The following DERL2 variants were observed in gnomAD, a reference collection of about 807,000 sequenced individuals.
DERL2 encodes the protein derlin-2.
In DERL2, 13 loss-of-function variants were observed where a neutral mutation model predicts 32.0. That is an observed-to-expected ratio of 0.41 (90% confidence interval 0.26 to 0.65). The LOEUF (loss-of-function observed/expected upper bound fraction) is 0.65. Among genes scored for constraint, DERL2 ranks in the 30% least tolerant of loss-of-function variants. The pLI is 0.35. For synonymous variants in DERL2, 111 were observed against 104.7 expected (o/e 1.06, Z -0.37); for missense variants, 208 against 296.3 (o/e 0.70, Z 2.19).
At chr17:5,486,248 C>G (rs1012639971), upstream of DERL2, 1 of 1,114,726 alleles carries the variant, frequency 9.0e-7, no homozygotes, top group East Asian at 3.0e-5. Context: ...GCCCAAAGGC[C>G]CCCCGCCCAC....
In DERL2 at chr17:5,472,762, C is replaced by G. The variant is rs1448654051; in HGVS notation, c.*1922G>C. 4.0e-5 allele frequency: 6 copies of G among 151,260 alleles called. No homozygotes were observed. Among genetic ancestry groups the G allele is most frequent in the Non-Finnish European group, 8.8e-5 (6 of 67,866 alleles). The allele number at this position is 151,260 out of a possible 1,614,324, so 9.4% of individuals were successfully genotyped here. On this transcript the variant is annotated 3_prime_UTR_variant, in exon 7 of 7. Coordinates refer to ENST00000158771, the MANE Select transcript of DERL2 (RefSeq NM_016041.5). ...TAAAACTAGAGAAACTCATTTCTAG[C>G]CCAAAAACAATTTAAAAAAAAAAAA...
At chr17:5,484,646 G>C (rs938936939) in intron 2 of DERL2, among the ~76,000 whole-genome samples, 8 of 152,212 alleles carry the variant, frequency 5.3e-5, no homozygotes, top group African/African-American at 1.9e-4. Flanking sequence ...AGTATGATCT[G>C]ATCCCTGGAA....
intron 2 of DERL2, 38 bp downstream of exon 2, chr17:5,485,113 A>G: frequency 7.1e-7 from 1 of 1,405,486 alleles, no homozygotes; most frequent in Non-Finnish European, 9.8e-7. Context: ...AAAAAGAAGA[A>G]ACTGAAGCAT....
rs1346933355 is a variant in DERL2, at chr17:5,473,892, C to T, written c.*792G>A. 6.6e-6 allele frequency: 1 copy of T among 152,098 alleles called. No homozygotes were observed. Among genetic ancestry groups the T allele is most frequent in the Non-Finnish European group, 1.5e-5 (1 of 68,022 alleles). 9.4% of individuals were successfully genotyped at this position (152,098 alleles called of 1,614,324 possible). ...AAAAATGTGGCCCTTACCAATCTTT[C>T]CCTGGATACTTCTTAATGGAGAAAT... On this transcript the variant is annotated 3_prime_UTR_variant, in exon 7 of 7. Transcript: ENST00000158771.
intron 6 of DERL2, among the ~76,000 whole-genome samples, chr17:5,475,365 T>C (rs1905315851): frequency 1.3e-5 from 2 of 151,036 alleles, no homozygotes; most frequent in African/African-American, 4.9e-5. Flanking sequence ...ATTCAAGCAA[T>C]TCTCCTGCCT....
chr17:5,485,244 C>A, intron 1 of DERL2, 28 bp from the exon 2 acceptor site: 4 of 1,414,932 alleles, frequency 2.8e-6, no homozygotes, highest in Non-Finnish European at 2.8e-6. Context: ...CTTCTTAAAG[C>A]AAATCAAGAA....
rs1905174853 is a variant in DERL2 at position 5,472,709 on chromosome 17, T to C, written c.*1975A>G. On this transcript the variant is annotated 3_prime_UTR_variant, in exon 7 of 7. Transcript: ENST00000158771. ...ATTTTACCACAAAAATGCCATTCAT[T>C]GCATAACTCCAACTCAGGGAGAACA... 6.6e-6 allele frequency: 1 copy of C among 152,062 alleles called. No homozygotes were observed. The highest frequency in any genetic ancestry group is 1.5e-5 in the Non-Finnish European group (1 of 68,006). 9.4% of individuals were successfully genotyped at this position (152,062 alleles called of 1,614,324 possible).
Position 5,471,493 on chromosome 17 carries a change from A to C in DERL2, c.*3191T>G, listed in dbSNP as rs1905125459. 6.6e-6 allele frequency: 1 copy of C among 152,346 alleles called. No homozygotes were observed. The highest frequency in any genetic ancestry group is 1.5e-5 in the Non-Finnish European group (1 of 68,038). The allele number at this position is 152,346 out of a possible 1,614,324, so 9.4% of individuals were successfully genotyped here. ...TATAGGGATTCAGAGACAGACAATA[A>C]AATAGGCCTTAGAGTCAAGATTTTT... is the stretch of plus-strand genomic sequence containing the variant. On this transcript the variant is annotated 3_prime_UTR_variant, in exon 7 of 7. Coordinates refer to ENST00000158771, the MANE Select transcript of DERL2 (RefSeq NM_016041.5).
At chr17:5,476,501 G>A (rs939859026) in intron 6 of DERL2, among the ~76,000 whole-genome samples, 16 of 152,264 alleles carry the variant, frequency 1.1e-4, no homozygotes, top group African/African-American at 2.4e-4. Context: ...CTGAGATCCC[G>A]GCAGGTGTGG....
In DERL2 at chr17:5,481,768, T is replaced by C. The variant is rs4790773; in HGVS notation, c.234-379A>G. 5.2e-3 allele frequency among the ~76,000 whole-genome samples: 796 copies of C among 152,124 alleles called. 14 individuals are homozygous for C. Among genetic ancestry groups the C allele is most frequent in the Admixed American group, 0.042 (639 of 15,266 alleles). Reference sequence around the variant, plus strand: ...AGATTCAAGCGATTCTCCTGCCTCATTCTCCTGAGTAGCTGGGATTACAGT... The same window carrying C: ...AGATTCAAGCGATTCTCCTGCCTCACTCTCCTGAGTAGCTGGGATTACAGT... On this transcript the variant is annotated intron_variant, in intron 3 of 6. Transcript: ENST00000158771. This position sits in a 1 kb window ranked among gnomAD's most constrained non-coding sequence, Gnocchi z 4.4.
chr17:5,486,366 A>G (rs1272677056), upstream of DERL2: 1 of 347,338 alleles, frequency 2.9e-6, no homozygotes, highest in Non-Finnish European at 4.9e-6. Context: ...GCCCCCCCCC[A>G]GCGCCCCATC....
At chr17:5,480,722 AC>A in intron 4 of DERL2, 140 bp from the exon 5 acceptor site, 1 of 707,346 alleles carries the variant, frequency 1.4e-6, no homozygotes, top group Non-Finnish European at 2.1e-6. Context: ...AAGGAGAAAC[AC>A]CCAGAAAATA....
chr17:5,481,525 T>G lies in DERL2; in HGVS notation c.234-136A>C, dbSNP rs1010043136. 2 of 657,954 alleles carry G rather than the reference T, an allele frequency of 3.0e-6. No individual in the cohort carries two copies. Among genetic ancestry groups the G allele is most frequent in the Non-Finnish European group, 5.2e-6 (2 of 382,550 alleles). 40.8% of individuals were successfully genotyped at this position (657,954 alleles called of 1,614,324 possible). A position where few individuals can be genotyped will look rare whatever the true frequency, so the allele number is the denominator to read the frequency against. On this transcript the variant is annotated intron_variant, in intron 3 of 6. Coordinates refer to ENST00000158771, the MANE Select transcript of DERL2 (RefSeq NM_016041.5). This position sits in a 1 kb window ranked among gnomAD's most constrained non-coding sequence, Gnocchi z 4.4. Reference sequence around the variant, plus strand: ...CTTCATTTGTATAAGAATGTTTGAGTGGTAATGTGATTACTTTTTTACCAA... The same window carrying G: ...CTTCATTTGTATAAGAATGTTTGAGGGGTAATGTGATTACTTTTTTACCAA...
chr17:5,486,179 G>GCCCCCCCCCCCCCCCCCCCCCCCCCCCCC, upstream of DERL2: 2 of 1,540,444 alleles, frequency 1.3e-6, no homozygotes, highest in Non-Finnish European at 8.8e-7. Context: ...ACCGTCGCCT[G>GCCCCCCCCCCCCCCCCCCCCCCCCCCCCC]CCCCACCCCC....
At chr17:5,475,243 C>T (rs1905306714) in intron 6 of DERL2, among the ~76,000 whole-genome samples, 1 of 151,842 alleles carries the variant, frequency 6.6e-6, no homozygotes, top group African/African-American at 2.4e-5. Flanking sequence ...AAATACGGTA[C>T]ACACATATAA....
At position 5,478,420 on chromosome 17, in the gene DERL2, T is replaced by A. The variant is rs1905532258; in HGVS notation, c.614+1634A>T. Among the ~76,000 whole-genome samples, 9 of 152,320 alleles carry A rather than the reference T, an allele frequency of 5.9e-5. No individual in the cohort carries two copies. The South Asian group carries it at 1.9e-3, about 32-fold the overall frequency. On this transcript the variant is annotated intron_variant, in intron 6 of 6. Coordinates refer to ENST00000158771, the MANE Select transcript of DERL2 (RefSeq NM_016041.5). ...ACTGAAATTGTTTCAAAACATTTTTTAAAAATCATAAACAATGAGACATCA... is the reference window on the plus strand; with the variant it reads ...ACTGAAATTGTTTCAAAACATTTTTAAAAAATCATAAACAATGAGACATCA...
In DERL2 at chr17:5,473,416, T is replaced by C. The variant is rs1905208002; in HGVS notation, c.*1268A>G. The stretch of plus-strand genomic sequence containing the variant: ...GGACCCTGTCTAATTTCTACCTGAT[T>C]GGGAAGGTAATCCAGGTACTTGGCT... On this transcript the variant is annotated 3_prime_UTR_variant, in exon 7 of 7. Transcript: ENST00000158771. The C allele has an allele frequency of 6.6e-6, 1 of 152,148 alleles. No homozygotes were observed. The allele number at this position is 152,148 out of a possible 1,614,324, so 9.4% of individuals were successfully genotyped here. A position where few individuals can be genotyped will look rare whatever the true frequency, so the allele number is the denominator to read the frequency against.
chr17:5,485,983 G>A (rs544418970), intron 1 of DERL2, 86 bp downstream of exon 1: 177 of 1,293,624 alleles, frequency 1.4e-4, no homozygotes, highest in Admixed American at 1.1e-3. Context: ...GCCCCTCTGG[G>A]CCTCCCCGAG....
At chr17:5,482,308 A>C (rs1005557153) in intron 3 of DERL2, 1 of 157,530 alleles carries the variant, frequency 6.3e-6, no homozygotes, top group South Asian at 1.9e-4. Flanking sequence ...CCCAATTACC[A>C]TTGGATCAGA....
Sources: gnomAD v4.1 joint callset for allele counts (sites outside exome capture counted in the v4.1 genomes callset) on GRCh38, gnomAD v4.1.1 for gene constraint, Gnocchi (gnomAD v3.1) non-coding constraint, MANE v1.5 for transcripts, NCBI Gene and HGNC (gene_info 2026-07-23, HGNC 2026-07-21) for gene names.